The following CACNA2D3 variants were observed in gnomAD, a reference collection of about 807,000 sequenced individuals.
The protein encoded by CACNA2D3 is calcium voltage-gated channel auxiliary subunit alpha2delta 3.
Under a neutral mutation model 160.6 loss-of-function variants are expected in CACNA2D3, and 60 were observed. The ratio of observed to expected loss-of-function variants is 0.37; its 90% CI spans 0.30 to 0.46. The LOEUF (loss-of-function observed/expected upper bound fraction) is 0.46. Among genes scored for constraint, CACNA2D3 ranks in the 20% least tolerant of loss-of-function variants. CACNA2D3 has a pLI of 1.00. For missense variants in CACNA2D3, 1,205 were observed against 1,365.0 expected (o/e 0.88, Z 1.85); for synonymous variants, 558 against 492.9 (o/e 1.13, Z -1.75).
At chr3:54,284,684 G>A (rs1374112413) in intron 2 of CACNA2D3, among the ~76,000 whole-genome samples, 1 of 152,140 alleles carries the variant, frequency 6.6e-6, no homozygotes, top group African/African-American at 2.4e-5. Flanking sequence ...AGCTCCTTCG[G>A]TACCAGTACT....
chr3:54,701,969 C>G (rs188454076), intron 11 of CACNA2D3, among the ~76,000 whole-genome samples: 45 of 152,250 alleles, frequency 3.0e-4, no homozygotes, highest in African/African-American at 9.9e-4. Context: ...CTACAACCAT[C>G]TGATCTTCAA....
At chr3:55,006,602 CTG>C (rs960682123) in intron 32 of CACNA2D3, among the ~76,000 whole-genome samples, 2 of 152,326 alleles carry the variant, frequency 1.3e-5, no homozygotes, top group Admixed American at 6.5e-5. Flanking sequence ...GCCCAGAACA[CTG>C]TGATTCAAGG....
At chr3:54,737,854 C>T (rs764784621) in intron 11 of CACNA2D3, among the ~76,000 whole-genome samples, 36 of 152,228 alleles carry the variant, frequency 2.4e-4, no homozygotes, top group Non-Finnish European at 4.3e-4. Context: ...TTGTTAGAGA[C>T]GGGGTTTCGC....
At position 54,884,188 on chromosome 3, in the gene CACNA2D3, C is replaced by G. The variant is rs1699873743; in HGVS notation, c.1913-1093C>G. Among the ~76,000 whole-genome samples, 2 of 152,290 alleles carry G rather than the reference C, an allele frequency of 1.3e-5. 1 individual carries two copies. The highest frequency in any genetic ancestry group is 4.8e-5 in the African/African-American group (2 of 41,562). On this transcript the variant is annotated intron_variant, in intron 21 of 37. Coordinates refer to ENST00000474759, the MANE Select transcript of CACNA2D3 (RefSeq NM_018398.3). Reference sequence around the variant, plus strand: ...ACAGATAGATGGATTGTACTAGGGACTAATCCCTGTCCCATTTAACTGTTT... The same window carrying G: ...ACAGATAGATGGATTGTACTAGGGAGTAATCCCTGTCCCATTTAACTGTTT...
intron 30 of CACNA2D3, among the ~76,000 whole-genome samples, chr3:54,984,980 T>C (rs931942085): frequency 6.6e-6 from 1 of 152,104 alleles, no homozygotes; most frequent in African/African-American, 2.4e-5. Context: ...ATAAAGAACT[T>C]TTGCCTCGAG....
In CACNA2D3 at chr3:55,018,264, T is replaced by C. The variant is rs776317647; in HGVS notation, c.2934T>C (p.Ser978=). The C allele has an allele frequency of 1.2e-6, 2 of 1,613,510 alleles. No homozygotes were observed. The highest frequency in any genetic ancestry group is 1.7e-6 in the Non-Finnish European group (2 of 1,179,638). ...PCDTEYPAFV[S]ERTIKETTGN... ...ATACTGAATATCCAGCATTCGTCTC[T>C]GAGCGCACCATCAAGGAGACTACAG... The change falls in exon 35 of 38, where the codon TCT becomes TCC. Residue 978 remains serine, a synonymous_variant. Coordinates refer to ENST00000474759, the MANE Select transcript of CACNA2D3 (RefSeq NM_018398.3).
intron 2 of CACNA2D3, among the ~76,000 whole-genome samples, chr3:54,182,725 G>A (rs1039608256): frequency 4.6e-5 from 7 of 152,134 alleles, no homozygotes; most frequent in Non-Finnish European, 7.4e-5. Context: ...GGGAAAGTGG[G>A]CCCTGGGCGA....
chr3:55,022,622 C>T (rs1193981213), intron 35 of CACNA2D3, among the ~76,000 whole-genome samples: 1 of 137,846 alleles, frequency 7.3e-6, no homozygotes, highest in Non-Finnish European at 1.6e-5. Flanking sequence ...CTCCCTCCCT[C>T]CCTTCCTCCT....
chr3:54,287,297 T>G (rs1346916851), intron 2 of CACNA2D3, among the ~76,000 whole-genome samples: 1 of 152,030 alleles, frequency 6.6e-6, no homozygotes, highest in Non-Finnish European at 1.5e-5. Flanking sequence ...GATAAAAGAC[T>G]TTAAACCAAC....
intron 8 of CACNA2D3, among the ~76,000 whole-genome samples, chr3:54,575,919 T>C (rs1313176040): frequency 6.6e-6 from 1 of 151,868 alleles, no homozygotes; most frequent in Non-Finnish European, 1.5e-5. Flanking sequence ...CTGGATCACA[T>C]AGGGGGGTGG....
chr3:54,670,296 T>C (rs1700136557), intron 11 of CACNA2D3, among the ~76,000 whole-genome samples: 1 of 152,114 alleles, frequency 6.6e-6, no homozygotes, highest in Non-Finnish European at 1.5e-5. Flanking sequence ...ATAAATTAGG[T>C]GCACAGACGT....
chr3:54,580,192 G>A (rs1303069471), intron 8 of CACNA2D3, among the ~76,000 whole-genome samples: 1 of 151,958 alleles, frequency 6.6e-6, no homozygotes, highest in Non-Finnish European at 1.5e-5. Context: ...CTTGCCAAAC[G>A]GTGCTAAGAT....
intron 13 of CACNA2D3, among the ~76,000 whole-genome samples, chr3:54,770,363 T>G (rs9821193): frequency 0.032 from 4,831 of 152,238 alleles, 235 homozygotes; most frequent in African/African-American, 0.11. Flanking sequence ...ATGAATCCGA[T>G]TTTTCCAAAA....
chr3:54,450,363 C>T (rs543476789), intron 4 of CACNA2D3, among the ~76,000 whole-genome samples: 1 of 152,284 alleles, frequency 6.6e-6, no homozygotes, highest in East Asian at 1.9e-4. Context: ...CATTCAATCC[C>T]AACATCTCTT....
At chr3:54,949,689 G>T (rs191505507) in intron 27 of CACNA2D3, among the ~76,000 whole-genome samples, 65 of 152,270 alleles carry the variant, frequency 4.3e-4, no homozygotes, top group African/African-American at 1.5e-3. Context: ...GCCCAACATC[G>T]TTGGTCAGGG....
intron 5 of CACNA2D3, among the ~76,000 whole-genome samples, chr3:54,527,708 A>C (rs987926548): frequency 2.6e-5 from 4 of 152,142 alleles, no homozygotes; most frequent in African/African-American, 9.7e-5. Context: ...AATGCTGATG[A>C]CCTGCCCCTC....
At chr3:54,265,803 T>A (rs1702504124) in intron 2 of CACNA2D3, among the ~76,000 whole-genome samples, 1 of 150,210 alleles carries the variant, frequency 6.7e-6, no homozygotes, top group Non-Finnish European at 1.5e-5. Context: ...GGAAACAAAG[T>A]ATATCTTTTT....
At chr3:54,761,573 T>C (rs1466247579) in intron 12 of CACNA2D3, among the ~76,000 whole-genome samples, 1 of 152,194 alleles carries the variant, frequency 6.6e-6, no homozygotes, top group Non-Finnish European at 1.5e-5. Context: ...TCTAGGAGCA[T>C]TGCTAGAGCA....
rs756161355 is a variant in CACNA2D3 at position 54,986,406 on chromosome 3, T to C, written c.2620-1277T>C. ...ATTCTTCATCTAACAACCAGTTTCA[T>C]TGAAACTGGCACATTACACACACGA... On this transcript the variant is annotated intron_variant, in intron 30 of 37. Transcript: ENST00000474759. Among the ~76,000 whole-genome samples the C allele has an allele frequency of 5.2e-4, 79 of 152,288 alleles. 1 individual carries two copies. The highest frequency in any genetic ancestry group is 9.1e-4 in the Non-Finnish European group (62 of 68,018).
Sources: gnomAD v4.1 joint callset for allele counts (sites outside exome capture counted in the v4.1 genomes callset) on GRCh38, gnomAD v4.1.1 for gene constraint, MANE v1.5 for transcripts, NCBI Gene and HGNC (gene_info 2026-07-23, HGNC 2026-07-21) for gene names.